Variants in ADGRL3 observed in about 807,000 individuals in gnomAD.
The protein encoded by ADGRL3 is adhesion G protein-coupled receptor L3, also known as calcium-independent alpha-latrotoxin receptor 3.
ADGRL3 carries 62 observed loss-of-function variants against 153.5 expected under a neutral mutation model. That is an observed-to-expected ratio of 0.40 (90% CI 0.33 to 0.50). The LOEUF (loss-of-function observed/expected upper bound fraction) is 0.50. Ranked by LOEUF, ADGRL3 falls within the 20% of genes least tolerant of loss-of-function variation. The pLI is 0.47. For missense variants in ADGRL3, 1,641 were observed against 1,859.4 expected (o/e 0.88, Z 2.16); for synonymous variants, 710 against 672.5 (o/e 1.06, Z -0.86).
At position 61,218,636 on chromosome 4, in the gene ADGRL3, T is replaced by A. The variant is rs1201044183; in HGVS notation, c.-240+16871T>A. The stretch of plus-strand genomic sequence containing the variant: ...CTAGTGTGCCCAGCTTGAGTGCTTC[T>A]CATGCGACACAGTTAAACACAATTG... On this transcript the variant is annotated intron_variant, in intron 1 of 26. Transcript: ENST00000683033. 2.6e-5 allele frequency among the ~76,000 whole-genome samples: 4 copies of A among 152,170 alleles called. No individual in the cohort carries two copies. In the East Asian group the frequency reaches 7.7e-4, roughly 29 times the overall value.
intron 1 of ADGRL3, among the ~76,000 whole-genome samples, chr4:61,264,590 T>C (rs2092733828): frequency 6.6e-6 from 1 of 152,016 alleles, no homozygotes; most frequent in African/African-American, 2.4e-5. Context: ...AACCAGTGTA[T>C]ATTACACAAA....
At chr4:61,533,963 T>G (rs1005530114) in intron 4 of ADGRL3, among the ~76,000 whole-genome samples, 2 of 152,156 alleles carry the variant, frequency 1.3e-5, no homozygotes, top group African/African-American at 4.8e-5. Flanking sequence ...TGTGTGATGG[T>G]GACACAATTT....
chr4:61,887,800 G>C (rs1174700119), intron 9 of ADGRL3, among the ~76,000 whole-genome samples: 1 of 151,964 alleles, frequency 6.6e-6, no homozygotes, highest in Non-Finnish European at 1.5e-5. Flanking sequence ...AGCCAAGATT[G>C]CACCACTGCA....
chr4:61,390,142 T>A (rs1486731073), intron 2 of ADGRL3, among the ~76,000 whole-genome samples: 1 of 152,212 alleles, frequency 6.6e-6, no homozygotes, highest in Non-Finnish European at 1.5e-5. Context: ...ATTTTAAAAT[T>A]TAGTTATTTT....
At chr4:61,564,049 C>T (rs2149023151) in intron 4 of ADGRL3, among the ~76,000 whole-genome samples, 1 of 152,138 alleles carries the variant, frequency 6.6e-6, no homozygotes, top group South Asian at 2.1e-4. Flanking sequence ...CATGAACCAA[C>T]TTCTGCTAGC....
chr4:61,466,563 C>T (rs1368678634), intron 2 of ADGRL3, among the ~76,000 whole-genome samples: 1 of 152,062 alleles, frequency 6.6e-6, no homozygotes, highest in African/African-American at 2.4e-5. Flanking sequence ...AAAGAGTGGA[C>T]CTGGTACTAT....
chr4:61,876,908 T>TA (rs33929278), intron 9 of ADGRL3, among the ~76,000 whole-genome samples: 1,614 of 135,588 alleles, frequency 0.012, 16 homozygotes, highest in African/African-American at 0.034. Flanking sequence ...GCTTTCACTT[T>TA]AAAAAAAAAA....
At chr4:61,203,324 G>C (rs1735696097) in intron 1 of ADGRL3, among the ~76,000 whole-genome samples, 1 of 152,214 alleles carries the variant, frequency 6.6e-6, no homozygotes, top group Non-Finnish European at 1.5e-5. Flanking sequence ...TGTGATCCCT[G>C]CCTGCGGTAG....
At chr4:61,539,473 TC>T (rs1269302275) in intron 4 of ADGRL3, among the ~76,000 whole-genome samples, 1 of 152,134 alleles carries the variant, frequency 6.6e-6, no homozygotes, top group African/African-American at 2.4e-5. Flanking sequence ...CCCATAACTC[TC>T]CAAGGATCTG....
At chr4:61,745,659 T>G (rs1006427869) in intron 8 of ADGRL3, among the ~76,000 whole-genome samples, 5 of 152,176 alleles carry the variant, frequency 3.3e-5, no homozygotes, top group African/African-American at 4.8e-5. Context: ...AAGCAAATGC[T>G]GAGAGATTTT....
At chr4:61,770,758 A>G (rs1220259877) in intron 8 of ADGRL3, among the ~76,000 whole-genome samples, 2 of 152,222 alleles carry the variant, frequency 1.3e-5, no homozygotes, top group Non-Finnish European at 2.9e-5. Flanking sequence ...CTATCAAATT[A>G]CATTATCTTG....
At chr4:61,651,660 T>C (rs756206430) in intron 5 of ADGRL3, among the ~76,000 whole-genome samples, 1 of 151,958 alleles carries the variant, frequency 6.6e-6, no homozygotes, top group Non-Finnish European at 1.5e-5. Context: ...CAGGCTGGAG[T>C]GCAGTGGCGT....
intron 1 of ADGRL3, among the ~76,000 whole-genome samples, chr4:61,344,455 A>G (rs1207404414): frequency 1.3e-5 from 2 of 152,218 alleles, no homozygotes; most frequent in Non-Finnish European, 2.9e-5. Context: ...GCAGCATATG[A>G]ATCCTTGAAT....
chr4:61,569,736 T>C (rs1436538882), intron 4 of ADGRL3, among the ~76,000 whole-genome samples: 1 of 152,194 alleles, frequency 6.6e-6, no homozygotes, highest in Non-Finnish European at 1.5e-5. Context: ...TTAATACAAG[T>C]TATAACATAT....
At chr4:61,390,233 AT>A (rs1402240571) in intron 2 of ADGRL3, among the ~76,000 whole-genome samples, 2 of 151,972 alleles carry the variant, frequency 1.3e-5, no homozygotes, top group Non-Finnish European at 2.9e-5. Flanking sequence ...ATTTTTTCTT[AT>A]TTTTATGGCT....
At chr4:62,048,743 G>A (rs1354024590) in intron 25 of ADGRL3, among the ~76,000 whole-genome samples, 1 of 151,422 alleles carries the variant, frequency 6.6e-6, no homozygotes. Flanking sequence ...TTTAGGGATA[G>A]GGTTTTGCCG....
chr4:61,544,243 T>C (rs75637314), intron 4 of ADGRL3, among the ~76,000 whole-genome samples: 3,432 of 152,310 alleles, frequency 0.023, 114 homozygotes, highest in African/African-American at 0.076. Context: ...CTTAATGGTG[T>C]TCAGTTTTCT....
intron 4 of ADGRL3, among the ~76,000 whole-genome samples, chr4:61,576,908 G>A (rs2098888447): frequency 6.6e-6 from 1 of 151,800 alleles, no homozygotes; most frequent in African/African-American, 2.4e-5. Flanking sequence ...GGTGAATAAA[G>A]GGGAATATTT....
At chr4:61,843,616 G>A (rs577241020) in intron 9 of ADGRL3, among the ~76,000 whole-genome samples, 1 of 151,914 alleles carries the variant, frequency 6.6e-6, no homozygotes, top group African/African-American at 2.4e-5. Flanking sequence ...TTTTTTCCTC[G>A]AAAGAGAAAA....
Sources: gnomAD v4.1 joint callset for allele counts (sites outside exome capture counted in the v4.1 genomes callset) on GRCh38, gnomAD v4.1.1 for gene constraint, MANE v1.5 for transcripts, NCBI Gene and HGNC (gene_info 2026-07-23, HGNC 2026-07-21) for gene names.